Variants in LRP5 observed in about 807,000 individuals in gnomAD.
The protein encoded by LRP5 is low-density lipoprotein receptor-related protein 5.
A neutral mutation model predicts 154.1 loss-of-function variants in LRP5; 62 were observed. The ratio of observed to expected loss-of-function variants is 0.40; its 90% CI spans 0.33 to 0.50. The LOEUF is 0.50. LRP5 is among the 20% of genes least tolerant of loss of function. The pLI is 0.55. For synonymous variants in LRP5, 966 were observed against 1,011.5 expected, an observed-to-expected ratio of 0.96 and a Z score of 0.85; for missense variants, 1,915 against 2,336.7, an observed-to-expected ratio of 0.82 and a Z score of 3.72.
intron 7 of LRP5, among the ~76,000 whole-genome samples, chr11:68,390,947 G>T (rs1318089331): frequency 6.6e-6 from 1 of 152,178 alleles, no homozygotes; most frequent in Non-Finnish European, 1.5e-5. Flanking sequence ...GAGCTTTTTT[G>T]TTTGTTGTTT....
At chr11:68,357,048 G>C (rs2098623712) in intron 2 of LRP5, among the ~76,000 whole-genome samples, 1 of 150,998 alleles carries the variant, frequency 6.6e-6, no homozygotes, top group South Asian at 2.1e-4. Flanking sequence ...TGATTCTCCT[G>C]CCTCAGCCTC....
At chr11:68,354,590 A>G (rs1176039261) in intron 2 of LRP5, among the ~76,000 whole-genome samples, 1 of 152,128 alleles carries the variant, frequency 6.6e-6, no homozygotes, top group African/African-American at 2.4e-5. Flanking sequence ...GGCACGCGGG[A>G]GCCTTCCCTG....
At position 68,436,848 on chromosome 11, in the gene LRP5, G is replaced by A. The variant is rs773887600; in HGVS notation, c.4001-41G>A. 67 of 1,478,188 alleles carry A rather than the reference G, an allele frequency of 4.5e-5. No homozygotes were observed. The Middle Eastern group carries it at 5.2e-4, about 11-fold the overall frequency. 91.6% of individuals were successfully genotyped at this position (1,478,188 alleles called of 1,614,324 possible). On this transcript the variant is annotated intron_variant, in intron 18 of 22. Transcript: ENST00000294304. ...TGTGCCCTGCATGGTGGGCTGGGGG[G>A]CACCCTCCAGCCTCTCTGAGTGCAT...
chr11:68,341,557 C>T (rs1156651532), intron 1 of LRP5, among the ~76,000 whole-genome samples: 1 of 152,100 alleles, frequency 6.6e-6, no homozygotes, highest in Non-Finnish European at 1.5e-5. Context: ...AGCTGTGACC[C>T]CTGAGCTTCA....
At chr11:68,383,275 C>T (rs1042989396) in intron 5 of LRP5, among the ~76,000 whole-genome samples, 1 of 152,132 alleles carries the variant, frequency 6.6e-6, no homozygotes, top group Non-Finnish European at 1.5e-5. Flanking sequence ...CTGGCACTGG[C>T]GTTCTCTGTG....
chr11:68,346,110 T>G (rs575982436), intron 1 of LRP5, among the ~76,000 whole-genome samples: 106 of 152,356 alleles, frequency 7.0e-4, no homozygotes, highest in Non-Finnish European at 1.1e-3. Context: ...TTTTCTCTCA[T>G]TCTGTGGGTT....
chr11:68,379,544 T>C (rs2098639175), intron 5 of LRP5, among the ~76,000 whole-genome samples: 1 of 152,238 alleles, frequency 6.6e-6, no homozygotes, highest in African/African-American at 2.4e-5. Flanking sequence ...CTCCCTTCTA[T>C]TTGCAGATGA....
chr11:68,407,902 T>TGTGGC (rs1171802962), intron 9 of LRP5, among the ~76,000 whole-genome samples: 1 of 152,192 alleles, frequency 6.6e-6, no homozygotes, highest in Non-Finnish European at 1.5e-5. Context: ...ATGGATTGTC[T>TGTGGC]GTGGCAGCTT....
chr11:68,425,027 T>G, intron 14 of LRP5, 75 bp from the exon 15 acceptor site: 2 of 1,372,324 alleles, frequency 1.5e-6, no homozygotes, highest in South Asian at 2.4e-5. Context: ...ACAGCCCAGC[T>G]GGGTGCCCTG....
At chr11:68,393,100 A>C (rs1423188153) in intron 7 of LRP5, among the ~76,000 whole-genome samples, 1 of 151,942 alleles carries the variant, frequency 6.6e-6, no homozygotes, top group African/African-American at 2.4e-5. Flanking sequence ...ACTGCACTCC[A>C]GCCTGGACAA....
intron 14 of LRP5, among the ~76,000 whole-genome samples, chr11:68,424,542 G>A (rs2098667629): frequency 6.6e-6 from 1 of 152,246 alleles, no homozygotes; most frequent in South Asian, 2.1e-4. Flanking sequence ...GGGCTCCGGG[G>A]TCCTTAGCAG....
chr11:68,396,317 C>T (rs2098649326), intron 7 of LRP5, among the ~76,000 whole-genome samples: 1 of 152,154 alleles, frequency 6.6e-6, no homozygotes, highest in South Asian at 2.1e-4. Context: ...CACACCAGCC[C>T]TGGACGTGTT....
At chr11:68,379,055 A>G (rs1186278740) in intron 5 of LRP5, among the ~76,000 whole-genome samples, 2 of 152,136 alleles carry the variant, frequency 1.3e-5, no homozygotes, top group Non-Finnish European at 2.9e-5. Flanking sequence ...CAAAAAAAAA[A>G]ATAAAAATAA....
chr11:68,435,887 G>C (rs977251625), intron 18 of LRP5, among the ~76,000 whole-genome samples: 1 of 152,056 alleles, frequency 6.6e-6, no homozygotes, highest in Non-Finnish European at 1.5e-5. Flanking sequence ...CACCACACCC[G>C]GCTAATTTTT....
chr11:68,409,021 A>G (rs527678293), intron 9 of LRP5, among the ~76,000 whole-genome samples: 2 of 137,596 alleles, frequency 1.5e-5, no homozygotes, highest in African/African-American at 2.8e-5. Flanking sequence ...CTGTACTCCA[A>G]CCTGAGCGAC....
intron 5 of LRP5, among the ~76,000 whole-genome samples, chr11:68,381,053 A>G (rs1245041198): frequency 6.6e-6 from 1 of 152,186 alleles, no homozygotes; most frequent in Admixed American, 6.5e-5. Context: ...TGGTGTCCTC[A>G]TGAGAGCAGG....
chr11:68,388,224 AAGAGG>A (rs1206171242), intron 6 of LRP5, among the ~76,000 whole-genome samples: 1 of 152,044 alleles, frequency 6.6e-6, no homozygotes, highest in Non-Finnish European at 1.5e-5. Context: ...GGGCTTTAGC[AAGAGG>A]AGGCCCAGGA....
chr11:68,375,217 C>G (rs1037862376), intron 5 of LRP5, among the ~76,000 whole-genome samples: 1 of 152,196 alleles, frequency 6.6e-6, no homozygotes. Context: ...TGTGCCTCTG[C>G]TCTCCCTCCC....
the LRP5 span, among the ~76,000 whole-genome samples, chr11:68,302,891 G>A: frequency 6.6e-6 from 1 of 152,144 alleles, no homozygotes; most frequent in Admixed American, 6.6e-5. Flanking sequence ...TGTCCAAGGT[G>A]CCCACAAGAG....
Sources: allele counts gnomAD v4.1 joint callset (sites outside exome capture counted in the v4.1 genomes callset), GRCh38; gene constraint gnomAD v4.1.1; transcripts MANE v1.5; gene names NCBI Gene and HGNC (gene_info 2026-07-23, HGNC 2026-07-21).